The following KLHL15 variants were observed in gnomAD, a reference collection of about 807,000 sequenced individuals.
KLHL15 encodes the protein kelch-like protein 15.
In KLHL15, 1 loss-of-function variant was observed where a neutral mutation model predicts 29.3. The ratio of observed to expected loss-of-function variants is 0.03; its 90% CI spans 0.01 to 0.16. The LOEUF is 0.16. Ranked by LOEUF, KLHL15 falls within the 10% of genes least tolerant of loss-of-function variation. KLHL15 has a pLI of 1.00. For missense variants in KLHL15, 215 were observed against 478.5 expected, an observed-to-expected ratio of 0.45 and a Z score of 5.14; for synonymous variants, 212 against 184.5, an observed-to-expected ratio of 1.15 and a Z score of -1.21.
chrX:24,012,556 G>A (rs763362622), intron 2 of KLHL15, among the ~76,000 whole-genome samples: 1 of 111,606 alleles, frequency 9.0e-6, no homozygotes, highest in African/African-American at 3.3e-5. Context: ...CCCTAAATGA[G>A]CTCACCTAAT....
Position 23,989,946 on chromosome X carries a change from C to T in KLHL15, c.706-916G>A, listed in dbSNP as rs754093309. ...CTGGGATGACAGGTGTGAGTCACTG[C>T]GCCTGGCAAACATTTTCCTTTTTGC... On this transcript the variant is annotated intron_variant, in intron 3 of 3. Coordinates refer to ENST00000328046, the MANE Select transcript of KLHL15 (RefSeq NM_030624.3). 3.6e-5 allele frequency among the ~76,000 whole-genome samples: 4 copies of T among 110,091 alleles called. No homozygotes were observed. In the East Asian group the frequency reaches 8.6e-4, roughly 24 times the overall value.
At chrX:23,998,153 A>T (rs1929232152) in intron 3 of KLHL15, among the ~76,000 whole-genome samples, 1 of 110,126 alleles carries the variant, frequency 9.1e-6, no homozygotes, top group Non-Finnish European at 1.9e-5. Flanking sequence ...AGTAGAGATG[A>T]GGTTTCGCCA....
intron 3 of KLHL15, among the ~76,000 whole-genome samples, chrX:23,993,144 ACTAG>A (rs1929118493): frequency 8.9e-6 from 1 of 111,967 alleles, no homozygotes; most frequent in African/African-American, 3.2e-5. Context: ...AAAAAGAAAA[ACTAG>A]CTAGTTATTC....
intron 3 of KLHL15, among the ~76,000 whole-genome samples, chrX:23,999,275 T>C (rs927109844): frequency 2.7e-5 from 3 of 109,951 alleles, no homozygotes. Flanking sequence ...TAATTTCCAA[T>C]TGTCCTATGC....
rs1273637960 is a variant in KLHL15, at chrX:23,988,317, C to A, written c.1419G>T (p.Lys473Asn). Reference protein sequence around the residue: ...VVTNCWENKSKMNYARCFHKM... With the variant: ...VVTNCWENKSNMNYARCFHKM... The stretch of plus-strand genomic sequence containing the variant: ...TGTGAAAGCATCTCGCGTAATTCAT[C>A]TTGCTCTTATTCTCCCAACAGTTGG... Residue 473 changes from lysine to asparagine, a missense_variant, in exon 4 of 4, where the codon AAG (lysine) becomes AAT (asparagine). By Grantham distance (94) the Lys-to-Asn change is moderately conservative. Transcript: ENST00000328046. The A allele has an allele frequency of 8.3e-7, 1 of 1,209,704 alleles. No individual in the cohort carries two copies. Among genetic ancestry groups the A allele is most frequent in the Non-Finnish European group, 1.1e-6 (1 of 895,210 alleles).
chrX:23,987,945 C>T lies in KLHL15; in HGVS notation c.1791G>A (p.Leu597=), dbSNP rs774081615. Residue 597 remains leucine, a synonymous_variant, in exon 4 of 4, where the codon CTG becomes CTA. Coordinates refer to ENST00000328046, the MANE Select transcript of KLHL15 (RefSeq NM_030624.3). ...VCNLHFPDYV[L]DEVRRCN ...ATTAGTTGCAACGCCTGACCTCATC[C>T]AGTACATAGTCCGGAAAATGCAGGT... The T allele has an allele frequency of 3.0e-5, 36 of 1,205,929 alleles. No homozygotes were observed. Among genetic ancestry groups the T allele is most frequent in the Non-Finnish European group, 3.9e-5 (35 of 893,183 alleles).
At chrX:24,001,609 G>T (rs1051393723) in intron 3 of KLHL15, among the ~76,000 whole-genome samples, 10 of 106,848 alleles carry the variant, frequency 9.4e-5, no homozygotes, top group Non-Finnish European at 1.9e-4. Context: ...TTTGAGACCA[G>T]CCTGGCCAAC....
intron 1 of KLHL15, among the ~76,000 whole-genome samples, chrX:24,025,878 T>A (rs1305043714): frequency 9.1e-6 from 1 of 110,031 alleles, no homozygotes; most frequent in East Asian, 3.0e-4. Flanking sequence ...GGCGCCGCCG[T>A]CGGGGCTGAG....
intron 2 of KLHL15, among the ~76,000 whole-genome samples, chrX:24,010,392 TG>T (rs1258628545): frequency 1.8e-5 from 2 of 112,092 alleles, no homozygotes; most frequent in Non-Finnish European, 3.8e-5. Context: ...CTATGCCAAC[TG>T]GTCCTTTAAT....
At chrX:24,019,860 C>T (rs1301786197) in intron 2 of KLHL15, among the ~76,000 whole-genome samples, 2 of 112,177 alleles carry the variant, frequency 1.8e-5, no homozygotes, top group Non-Finnish European at 3.8e-5. Flanking sequence ...GGCTGCCATT[C>T]TGATGTGAAG....
At chrX:24,011,736 G>A (rs1426933269) in intron 2 of KLHL15, among the ~76,000 whole-genome samples, 1 of 112,161 alleles carries the variant, frequency 8.9e-6, no homozygotes, top group African/African-American at 3.2e-5. Context: ...CCAGGAAGTT[G>A]AGGCTGCAGT....
intron 2 of KLHL15, among the ~76,000 whole-genome samples, chrX:24,014,073 T>C (rs1265655750): frequency 6.9e-5 from 7 of 101,269 alleles, no homozygotes; most frequent in African/African-American, 1.9e-4. Context: ...CTGAGAAACA[T>C]AGACCCCATC....
At chrX:24,018,753 G>A (rs1011009684) in intron 2 of KLHL15, among the ~76,000 whole-genome samples, 24 of 111,429 alleles carry the variant, frequency 2.2e-4, no homozygotes, top group African/African-American at 7.8e-4. Context: ...CGTGATCCTA[G>A]CACCTTGGGA....
chrX:23,985,337 G>T lies in KLHL15; in HGVS notation c.*2584C>A, dbSNP rs1928966977. 9.0e-6 allele frequency: 1 copy of T among 111,400 alleles called. No individual in the cohort carries two copies. The highest frequency in any genetic ancestry group is 1.9e-5 in the Non-Finnish European group (1 of 52,998). The allele number at this position is 111,400 out of a possible 1,213,427, so 9.2% of individuals were successfully genotyped here. On this transcript the variant is annotated 3_prime_UTR_variant, in exon 4 of 4. Coordinates refer to ENST00000328046, the MANE Select transcript of KLHL15 (RefSeq NM_030624.3). ...CACAAAAAATAAACTTGAAAAAAATGCTATGAAAAACTTTTCCATAGTTTA... is the reference window on the plus strand; with the variant it reads ...CACAAAAAATAAACTTGAAAAAAATTCTATGAAAAACTTTTCCATAGTTTA...
At chrX:24,020,415 T>C (rs1468766035) in intron 2 of KLHL15, among the ~76,000 whole-genome samples, 1 of 112,012 alleles carries the variant, frequency 8.9e-6, no homozygotes, top group Non-Finnish European at 1.9e-5. Context: ...ATTTGTTTAA[T>C]ACTGGAAATT....
intron 2 of KLHL15, among the ~76,000 whole-genome samples, chrX:24,009,732 G>A (rs1025201032): frequency 2.0e-5 from 2 of 98,638 alleles, no homozygotes; most frequent in Admixed American, 1.2e-4. Context: ...GCTCACGCCC[G>A]TAATTCCAAC....
intron 2 of KLHL15, among the ~76,000 whole-genome samples, chrX:24,017,353 T>C (rs1489336469): frequency 1.8e-5 from 2 of 111,364 alleles, no homozygotes; most frequent in Middle Eastern, 4.6e-3. Context: ...TTTCCATCCA[T>C]ACATTACTAA....
At chrX:23,998,253 G>A (rs1360514516) in intron 3 of KLHL15, among the ~76,000 whole-genome samples, 1 of 106,708 alleles carries the variant, frequency 9.4e-6, no homozygotes, top group African/African-American at 3.5e-5. Context: ...GTGCCACCGT[G>A]CCCAGCAATT....
rs1367133165 is a variant in KLHL15 at position 23,985,638 on chromosome X, G to A, written c.*2283C>T. 8.9e-6 allele frequency: 1 copy of A among 112,315 alleles called. No homozygotes were observed. The highest frequency in any genetic ancestry group is 2.8e-4 in the East Asian group (1 of 3,594). 9.3% of individuals were successfully genotyped at this position (112,315 alleles called of 1,213,427 possible). A position where few individuals can be genotyped will look rare whatever the true frequency, so the allele number is the denominator to read the frequency against. On this transcript the variant is annotated 3_prime_UTR_variant, in exon 4 of 4. Transcript: ENST00000328046. Reference sequence around the variant, plus strand: ...AACATGAACTTTGATCTTGGCCTCTGTCTTTAAAATGGAAGACCAAGAATA... The same window carrying A: ...AACATGAACTTTGATCTTGGCCTCTATCTTTAAAATGGAAGACCAAGAATA...
Sources: allele counts gnomAD v4.1 joint callset (sites outside exome capture counted in the v4.1 genomes callset), GRCh38; gene constraint gnomAD v4.1.1; transcripts MANE v1.5; gene names NCBI Gene and HGNC (gene_info 2026-07-23, HGNC 2026-07-21).